The following UMOD variants were observed in gnomAD, a reference collection of about 807,000 sequenced individuals.
UMOD encodes uromodulin.
Under a neutral mutation model 66.0 loss-of-function variants are expected in UMOD, and 64 were observed. The observed-to-expected ratio is 0.97, with a 90% CI of 0.79 to 1.19. The LOEUF is 1.19. Among genes scored for constraint, UMOD ranks in the 50% most tolerant of loss-of-function variants. The pLI is 0.00. For synonymous variants in UMOD, 398 were observed against 352.7 expected (o/e 1.13, Z -1.44); for missense variants, 764 against 850.9 (o/e 0.90, Z 1.27).
intron 7 of UMOD, among the ~76,000 whole-genome samples, chr16:20,338,110 C>T (rs544890192): frequency 2.6e-4 from 39 of 152,276 alleles, no homozygotes; most frequent in South Asian, 2.5e-3. Flanking sequence ...AAAACTGAGA[C>T]GGGAGCTTCT....
intron 5 of UMOD, 37 bp from the exon 6 acceptor site, chr16:20,344,209 T>C: frequency 6.7e-7 from 1 of 1,496,946 alleles, no homozygotes; most frequent in Non-Finnish European, 9.2e-7. Context: ...GGGGTGGGGA[T>C]GAGAGAAAGG....
Position 20,348,625 on chromosome 16 carries a change from C to T in UMOD, c.676G>A (p.Ala226Thr). The T allele has an allele frequency of 6.3e-7, 1 of 1,582,036 alleles. No individual in the cohort carries two copies. The highest frequency in any genetic ancestry group is 8.6e-7 in the Non-Finnish European group (1 of 1,168,980). ...TCVPVLRCNT[A>T]APMWLNGTHP... ...GTGCCATTGAGCCACATGGGGGCGG[C>T]CGTGTTGCAGCGCAGGACTGGCACG... The change falls in exon 3 of 11, where the codon GCC (alanine) becomes ACC (threonine). Residue 226 changes from alanine (A) to threonine (T), a missense_variant. Transcript: ENST00000396138.
At chr16:20,352,816 G>A, upstream of UMOD, 1 of 1,073,892 alleles carries the variant, frequency 9.3e-7, no homozygotes, top group Non-Finnish European at 1.2e-6. Context: ...TGTTTTCTTG[G>A]GGGTGGAATA....
chr16:20,350,124 T>C lies in UMOD; in HGVS notation c.88+526A>G, dbSNP rs571993527. Among the ~76,000 whole-genome samples the C allele has an allele frequency of 3.3e-5, 5 of 152,260 alleles. No individual in the cohort carries two copies. The South Asian group carries it at 6.2e-4, about 19-fold the overall frequency. ...ACGCAGATGGCAGGACCACAAAATA[T>C]GTGCTTTTAACCAGGACACCGCAAT... On this transcript the variant is annotated intron_variant, in intron 2 of 10. Transcript: ENST00000396138.
chr16:20,343,774 G>A (rs996220236), intron 6 of UMOD, among the ~76,000 whole-genome samples: 2 of 152,214 alleles, frequency 1.3e-5, no homozygotes, highest in African/African-American at 2.4e-5. Context: ...CAACTAGTAA[G>A]TGACAGAGCT....
At chr16:20,338,112 G>A (rs1034603926) in intron 7 of UMOD, among the ~76,000 whole-genome samples, 65 of 152,152 alleles carry the variant, frequency 4.3e-4, no homozygotes, top group Non-Finnish European at 1.8e-4. Context: ...AACTGAGACG[G>A]GAGCTTCTGG....
chr16:20,337,482 G>T, intron 7 of UMOD, 29 bp from the exon 8 acceptor site: 2 of 1,613,894 alleles, frequency 1.2e-6, no homozygotes, highest in Non-Finnish European at 1.7e-6. Context: ...ATTTAATGTG[G>T]TTGGTTAAAT....
upstream of UMOD, among the ~76,000 whole-genome samples, chr16:20,355,917 G>T (rs7204342): frequency 0.12 from 18,534 of 152,098 alleles, 2,700 homozygotes; most frequent in African/African-American, 0.35. Flanking sequence ...CACAGCTAGC[G>T]AGTGTTAAAT....
At position 20,349,175 on chromosome 16, in the gene UMOD, C is replaced by A; in HGVS notation, c.126G>T (p.Thr42=). 6.2e-7 allele frequency: 1 copy of A among 1,614,016 alleles called. No homozygotes were observed. Residue 42 remains threonine, a synonymous_variant, in exon 3 of 11, where the codon ACG becomes ACT. Coordinates refer to ENST00000396138, the MANE Select transcript of UMOD (RefSeq NM_003361.4). Reference sequence around the variant, plus strand: ...TGCACGTCGTAACGGCCTCATCCTCCGTGCAGGTGGCATTGCTGTGACATT... The same window carrying A: ...TGCACGTCGTAACGGCCTCATCCTCAGTGCAGGTGGCATTGCTGTGACATT... The part of the protein sequence containing the change: ...CSECHSNATC[T]EDEAVTTCTC...
chr16:20,346,501 C>G (rs1363663526), intron 4 of UMOD, among the ~76,000 whole-genome samples, 167 bp from the exon 5 acceptor site: 1 of 152,300 alleles, frequency 6.6e-6, no homozygotes, highest in Non-Finnish European at 1.5e-5. Context: ...AAGATTGGAC[C>G]TCTGACATCA....
intron 10 of UMOD, among the ~76,000 whole-genome samples, chr16:20,334,956 C>T (rs138424073): frequency 2.0e-5 from 3 of 151,994 alleles, no homozygotes; most frequent in African/African-American, 7.2e-5. Context: ...CCTCAGCCTC[C>T]CAAGTAGCTG....
chr16:20,349,700 T>G lies in UMOD; in HGVS notation c.89-488A>C, dbSNP rs556064659. ...CATTCAGAAAAGTAATGCGCAGAAT[T>G]CCTATACTTTGGTAGGATTTACGGT... On this transcript the variant is annotated intron_variant, in intron 2 of 10. Transcript: ENST00000396138. 3 of 1,501,464 alleles carry G rather than the reference T, an allele frequency of 2.0e-6. No individual in the cohort carries two copies. In the South Asian group the frequency reaches 3.9e-5, roughly 20 times the overall value. 93.0% of individuals were successfully genotyped at this position (1,501,464 alleles called of 1,614,324 possible). A position where few individuals can be genotyped will look rare whatever the true frequency, so the allele number is the denominator to read the frequency against.
rs906721109 is a variant in UMOD, at chr16:20,341,257, G to C, written c.1411C>G (p.Pro471Ala). The change falls in exon 7 of 11, where the codon CCC (proline) becomes GCC (alanine). Residue 471 changes from proline to alanine, a missense_variant. By Grantham distance (27) the Pro-to-Ala change is conservative. Coordinates refer to ENST00000396138, the MANE Select transcript of UMOD (RefSeq NM_003361.4). ...ALFQTPSYTQ[P>A]YQGSSVTLST... ...AGTGTCACGGAGGAGCCTTGGTAGGGCTGCGTGTAGGAAGGGGTCTGGAAG... is the reference window on the plus strand; with the variant it reads ...AGTGTCACGGAGGAGCCTTGGTAGGCCTGCGTGTAGGAAGGGGTCTGGAAG... The C allele has an allele frequency of 1.9e-6, 3 of 1,614,116 alleles. No individual in the cohort carries two copies. Among genetic ancestry groups the C allele is most frequent in the Non-Finnish European group, 2.5e-6 (3 of 1,180,022 alleles).
rs1382328456 is a variant in UMOD at position 20,333,925 on chromosome 16, T to C, written c.1862-550A>G. On this transcript the variant is annotated intron_variant, in intron 10 of 10. Coordinates refer to ENST00000396138, the MANE Select transcript of UMOD (RefSeq NM_003361.4). ...GGTGCACGCCTGTAGTTCCAGCTAC[T>C]GGGCAGGCTGAGGCAGAAGAATCGC... Among the ~76,000 whole-genome samples, 13 of 146,770 alleles carry C rather than the reference T, an allele frequency of 8.9e-5. No homozygotes were observed. The Admixed American group carries it at 9.2e-4, about 10-fold the overall frequency.
chr16:20,348,561 G>T lies in UMOD; in HGVS notation c.740C>A (p.Ala247Asp). Reference sequence around the variant, plus strand: ...GCAGTGGCCGCTCCAGTGCGCGCAGGCCTTGCGGCTCACGATGCCCTCGTC... The same window carrying T: ...GCAGTGGCCGCTCCAGTGCGCGCAGTCCTTGCGGCTCACGATGCCCTCGTC... Reference protein sequence around the residue: ...SSDEGIVSRKACAHWSGHCCL... With the variant: ...SSDEGIVSRKDCAHWSGHCCL... Residue 247 changes from alanine (A) to aspartate (D), a missense_variant, in exon 3 of 11, where the codon GCC becomes GAC. Coordinates refer to ENST00000396138, the MANE Select transcript of UMOD (RefSeq NM_003361.4). The T allele has an allele frequency of 6.3e-7, 1 of 1,598,426 alleles. No homozygotes were observed.
intron 4 of UMOD, 118 bp from the exon 5 acceptor site, chr16:20,346,452 C>A: frequency 1.0e-6 from 1 of 985,050 alleles, no homozygotes; most frequent in Non-Finnish European, 1.6e-6. Flanking sequence ...TCAGCATAGC[C>A]TTGAGCTGAT....
At position 20,349,088 on chromosome 16, in the gene UMOD, A is replaced by G. The variant is rs572938105; in HGVS notation, c.213T>C (p.Ile71=). 5.6e-5 allele frequency: 90 copies of G among 1,613,274 alleles called. 2 individuals carry two copies. The South Asian group carries it at 9.9e-4, about 18-fold the overall frequency. ...LTCVDLDECA[I]PGAHNCSANS... ...TGGCGGAGCAGTTGTGAGCTCCAGG[A>G]ATGGCGCACTCATCCAGGTCCACGC... Residue 71 remains isoleucine (I), a synonymous_variant, in exon 3 of 11, where the codon ATT becomes ATC. Transcript: ENST00000396138.
At chr16:20,354,105 A>G (rs1286478309), upstream of UMOD, among the ~76,000 whole-genome samples, 2 of 152,236 alleles carry the variant, frequency 1.3e-5, no homozygotes, top group Admixed American at 6.5e-5. Context: ...TTATGGCTGC[A>G]TAGTATTCCA....
At chr16:20,334,218 A>T (rs963006893) in intron 10 of UMOD, among the ~76,000 whole-genome samples, 9 of 152,048 alleles carry the variant, frequency 5.9e-5, no homozygotes, top group Non-Finnish European at 1.3e-4. Context: ...AGAAGCAGAG[A>T]AGTGGGGGTT....
Sources: allele counts gnomAD v4.1 joint callset (sites outside exome capture counted in the v4.1 genomes callset), GRCh38; gene constraint gnomAD v4.1.1; transcripts MANE v1.5; gene names NCBI Gene and HGNC (gene_info 2026-07-23, HGNC 2026-07-21).